Variants in SH3RF3 observed in about 807,000 individuals in gnomAD.
The protein encoded by SH3RF3 is E3 ubiquitin-protein ligase SH3RF3.
SH3RF3 carries 29 observed loss-of-function variants against 66.3 expected under a neutral mutation model. That is an observed-to-expected ratio of 0.44 (90% CI 0.33 to 0.60). SH3RF3 has a LOEUF of 0.60. Among genes scored for constraint, SH3RF3 ranks in the 20% least tolerant of loss-of-function variants. The pLI, the probability that SH3RF3 is intolerant of heterozygous loss-of-function variation, is 0.04. For synonymous variants in SH3RF3, 583 were observed against 532.0 expected (o/e 1.10, Z -1.32); for missense variants, 1,194 against 1,190.9 (o/e 1.00, Z -0.04).
At chr2:109,131,056 C>T (rs1224851238) in intron 1 of SH3RF3, among the ~76,000 whole-genome samples, 1 of 152,164 alleles carries the variant, frequency 6.6e-6, no homozygotes, top group Non-Finnish European at 1.5e-5. Context: ...GCTTTAGAAA[C>T]ACAACTTTAT....
At chr2:109,392,052 G>A (rs1322396163) in intron 3 of SH3RF3, among the ~76,000 whole-genome samples, 1 of 152,052 alleles carries the variant, frequency 6.6e-6, no homozygotes, top group East Asian at 1.9e-4. Flanking sequence ...CTGGACTCAA[G>A]CAGTCAGCCT....
At chr2:109,312,640 G>C (rs1194222607) in intron 1 of SH3RF3, among the ~76,000 whole-genome samples, 1 of 152,136 alleles carries the variant, frequency 6.6e-6, no homozygotes, top group Non-Finnish European at 1.5e-5. Context: ...ATGGCCCTTT[G>C]GTCTAGCTTC....
chr2:109,221,053 T>C (rs1434856395), intron 1 of SH3RF3, among the ~76,000 whole-genome samples: 1 of 152,166 alleles, frequency 6.6e-6, no homozygotes, highest in Non-Finnish European at 1.5e-5. Context: ...GTATACACAG[T>C]TGAGGAATAT....
chr2:109,177,115 G>A (rs1407860344), intron 1 of SH3RF3, among the ~76,000 whole-genome samples: 1 of 152,188 alleles, frequency 6.6e-6, no homozygotes, highest in African/African-American at 2.4e-5. Context: ...AAAGTCACTC[G>A]TGTGGTGCTG....
At chr2:109,429,426 G>A (rs532614554) in intron 5 of SH3RF3, among the ~76,000 whole-genome samples, 22 of 152,320 alleles carry the variant, frequency 1.4e-4, no homozygotes, top group Non-Finnish European at 2.9e-4. Context: ...AGATCAGAGT[G>A]AAGGATTACT....
intron 8 of SH3RF3, among the ~76,000 whole-genome samples, chr2:109,451,477 T>A (rs1351128620): frequency 2.0e-5 from 3 of 152,350 alleles, no homozygotes; most frequent in Middle Eastern, 3.4e-3. Flanking sequence ...CTCTCTAGTT[T>A]GTGAAGCAAA....
intron 1 of SH3RF3, among the ~76,000 whole-genome samples, chr2:109,337,933 C>T (rs181914211): frequency 5.9e-5 from 9 of 151,934 alleles, no homozygotes; most frequent in African/African-American, 9.7e-5. Flanking sequence ...GATTTTGCCA[C>T]GTTACCCCGG....
intron 8 of SH3RF3, among the ~76,000 whole-genome samples, chr2:109,457,381 C>T (rs968435341): frequency 6.6e-6 from 1 of 152,142 alleles, no homozygotes; most frequent in Non-Finnish European, 1.5e-5. Context: ...AGTAGGGTTT[C>T]AACTGCAAAG....
intron 1 of SH3RF3, among the ~76,000 whole-genome samples, chr2:109,268,559 A>C (rs1458819809): frequency 6.6e-6 from 1 of 152,134 alleles, no homozygotes; most frequent in Non-Finnish European, 1.5e-5. Context: ...TCCCTCCCCA[A>C]CAGGGCTTGA....
At chr2:109,394,330 G>T (rs1676084091) in intron 3 of SH3RF3, among the ~76,000 whole-genome samples, 1 of 152,140 alleles carries the variant, frequency 6.6e-6, no homozygotes, top group Non-Finnish European at 1.5e-5. Context: ...GTGGGATGGT[G>T]AGCCCTGGCC....
At chr2:109,479,763 C>T (rs903598661) in intron 8 of SH3RF3, among the ~76,000 whole-genome samples, 3 of 152,178 alleles carry the variant, frequency 2.0e-5, no homozygotes, top group African/African-American at 7.2e-5. Flanking sequence ...AGCCAATTAT[C>T]CACACTGCTC....
chr2:109,455,238 G>A (rs936546072), intron 8 of SH3RF3, among the ~76,000 whole-genome samples: 1 of 152,178 alleles, frequency 6.6e-6, no homozygotes, highest in African/African-American at 2.4e-5. Flanking sequence ...GCGGCTGGCA[G>A]GAGACCATGA....
intron 9 of SH3RF3, among the ~76,000 whole-genome samples, chr2:109,492,521 C>T (rs1679155907): frequency 6.6e-6 from 1 of 152,180 alleles, no homozygotes. Context: ...GCTACGCATG[C>T]CCAGGACAGC....
chr2:109,502,543 A>G lies in SH3RF3; in HGVS notation c.*872A>G, dbSNP rs1338619530. On this transcript the variant is annotated 3_prime_UTR_variant, in exon 10 of 10. Transcript: ENST00000309415. ...CCGAGAAGCCGCCATCCCGCACCTC[A>G]GCGCTGGCCAGTACTCTGGGGGCTG... 1 of 152,142 alleles carries G rather than the reference A, an allele frequency of 6.6e-6. No homozygotes were observed. Among genetic ancestry groups the G allele is most frequent in the African/African-American group, 2.4e-5 (1 of 41,438 alleles). The allele number at this position is 152,142 out of a possible 1,614,324, so 9.4% of individuals were successfully genotyped here. A position where few individuals can be genotyped will look rare whatever the true frequency, so the allele number is the denominator to read the frequency against.
At chr2:109,422,313 C>T (rs1348985549) in intron 5 of SH3RF3, among the ~76,000 whole-genome samples, 2 of 152,170 alleles carry the variant, frequency 1.3e-5, no homozygotes, top group East Asian at 1.9e-4. Flanking sequence ...CTTCAGGAGA[C>T]CTCATTCCTG....
At chr2:109,327,815 A>G (rs1248906244) in intron 1 of SH3RF3, among the ~76,000 whole-genome samples, 1 of 152,250 alleles carries the variant, frequency 6.6e-6, no homozygotes, top group Non-Finnish European at 1.5e-5. Context: ...ACATATACAT[A>G]CCACTTCCCA....
chr2:109,391,230 C>T (rs565921706), intron 3 of SH3RF3, among the ~76,000 whole-genome samples: 59 of 152,382 alleles, frequency 3.9e-4, no homozygotes, highest in Middle Eastern at 3.4e-3. Context: ...GCGTTTTAAA[C>T]TTCAGTTATC....
At chr2:109,312,438 C>T (rs553931792) in intron 1 of SH3RF3, among the ~76,000 whole-genome samples, 25 of 152,186 alleles carry the variant, frequency 1.6e-4, no homozygotes, top group African/African-American at 4.8e-4. Flanking sequence ...AATGATGTTT[C>T]GACCGTCAGC....
intron 1 of SH3RF3, among the ~76,000 whole-genome samples, chr2:109,196,656 G>A (rs1365395947): frequency 4.6e-5 from 7 of 152,204 alleles, no homozygotes; most frequent in Non-Finnish European, 7.3e-5. Context: ...TGGCCTGGCT[G>A]GCTGAGGTCT....
Sources: allele counts gnomAD v4.1 joint callset (sites outside exome capture counted in the v4.1 genomes callset), GRCh38; gene constraint gnomAD v4.1.1; transcripts MANE v1.5; gene names NCBI Gene and HGNC (gene_info 2026-07-23, HGNC 2026-07-21).